MLLT3: variants seen among roughly 807,000 people sequenced by gnomAD.
The protein encoded by MLLT3 is MLLT3 super elongation complex subunit.
In MLLT3, 4 loss-of-function variants were observed where a neutral mutation model predicts 53.2. The ratio of observed to expected loss-of-function variants is 0.08; its 90% CI spans 0.04 to 0.17. The LOEUF is 0.17. Ranked by LOEUF, MLLT3 falls within the 10% of genes least tolerant of loss-of-function variation. The probability of loss-of-function intolerance (pLI) is 1.00; values close to 1 mark genes in which losing one functional copy is unlikely to be tolerated. For synonymous variants in MLLT3, 283 were observed against 230.6 expected (o/e 1.23, Z -2.06); for missense variants, 569 against 684.0 (o/e 0.83, Z 1.87).
At chr9:20,347,141 G>C (rs1820895163) in intron 10 of MLLT3, among the ~76,000 whole-genome samples, 1 of 149,548 alleles carries the variant, frequency 6.7e-6, no homozygotes, top group South Asian at 2.1e-4. Flanking sequence ...TTAACAGATA[G>C]TGACCAGAGG....
intron 2 of MLLT3, among the ~76,000 whole-genome samples, chr9:20,463,036 C>A (rs1324040791): frequency 6.6e-6 from 1 of 152,036 alleles, no homozygotes; most frequent in Non-Finnish European, 1.5e-5. Flanking sequence ...GAACGTCATG[C>A]TACACACACT....
At chr9:20,429,994 C>T (rs565094594) in intron 4 of MLLT3, among the ~76,000 whole-genome samples, 2 of 152,110 alleles carry the variant, frequency 1.3e-5, no homozygotes, top group East Asian at 3.9e-4. Context: ...ATTGTCCACA[C>T]AGAAATACAA....
intron 2 of MLLT3, among the ~76,000 whole-genome samples, chr9:20,606,150 A>C (rs1375662344): frequency 6.6e-6 from 1 of 152,106 alleles, no homozygotes; most frequent in East Asian, 1.9e-4. Flanking sequence ...TTAGCTGGTT[A>C]TGTTCATATA....
intron 2 of MLLT3, among the ~76,000 whole-genome samples, chr9:20,537,384 T>A (rs913344929): frequency 6.6e-6 from 1 of 152,208 alleles, no homozygotes; most frequent in Non-Finnish European, 1.5e-5. Flanking sequence ...ATTCTTTTTG[T>A]ACAAGAAAAT....
chr9:20,414,050 C>A lies in MLLT3; in HGVS notation c.796G>T (p.Asp266Tyr). The change falls in exon 5 of 11, where the codon GAT becomes TAT. Residue 266 changes from aspartate to tyrosine, a missense_variant. Asp to Tyr is a radical substitution (Grantham distance 160, BLOSUM62 -3). Transcript: ENST00000380338. ...PKPMSKEPKP[D>Y]SNLLTITSGQ... ...CTGGTGATGGTGAGTAAGTTACTAT[C>A]TGGTTTTGGCTCTTTTGACATGGGT... is the stretch of plus-strand genomic sequence containing the variant. 2 of 1,614,112 alleles carry A rather than the reference C, an allele frequency of 1.2e-6. No homozygotes were observed. The highest frequency in any genetic ancestry group is 1.7e-6 in the Non-Finnish European group (2 of 1,180,004).
rs149642279 is a variant in MLLT3, at chr9:20,587,608, T to C, written c.193+33046A>G. The stretch of plus-strand genomic sequence containing the variant: ...CTTTCAAATACAGAGAAATCCTTTA[T>C]TGAAAAACTTTTTGGCTGCATAAAT... On this transcript the variant is annotated intron_variant, in intron 2 of 10. Transcript: ENST00000380338. 6.8e-3 allele frequency among the ~76,000 whole-genome samples: 1,029 copies of C among 152,366 alleles called. 17 individuals carry two copies. Among genetic ancestry groups the C allele is most frequent in the African/African-American group, 0.024 (995 of 41,568 alleles).
intron 10 of MLLT3, among the ~76,000 whole-genome samples, chr9:20,350,420 C>A (rs562105227): frequency 6.6e-6 from 1 of 151,710 alleles, no homozygotes; most frequent in Non-Finnish European, 1.5e-5. Context: ...ACGGTGAAAC[C>A]CCGTCTCTAC....
chr9:20,561,078 T>C (rs1054615663), intron 2 of MLLT3, among the ~76,000 whole-genome samples: 1 of 152,014 alleles, frequency 6.6e-6, no homozygotes, highest in Admixed American at 6.6e-5. Context: ...CTACTTTATT[T>C]TGTGTGTGTG....
At chr9:20,490,299 A>G (rs1824915975) in intron 2 of MLLT3, among the ~76,000 whole-genome samples, 1 of 152,216 alleles carries the variant, frequency 6.6e-6, no homozygotes, top group Non-Finnish European at 1.5e-5. Flanking sequence ...TAATCTAACC[A>G]CATGAGACTT....
chr9:20,518,227 C>A (rs1225656073), intron 2 of MLLT3, among the ~76,000 whole-genome samples: 3 of 152,114 alleles, frequency 2.0e-5, no homozygotes, highest in Non-Finnish European at 4.4e-5. Flanking sequence ...CGCCTGTAAT[C>A]CCAGCTACTC....
Position 20,448,413 on chromosome 9 carries a change from G to C in MLLT3, c.277-147C>G, listed in dbSNP as rs1823759479. The C allele has an allele frequency of 1.7e-6, 1 of 600,570 alleles. No homozygotes were observed. The allele number at this position is 600,570 out of a possible 1,614,324, so 37.2% of individuals were successfully genotyped here. The stretch of plus-strand genomic sequence containing the variant: ...CAAAGTAGTACTGGGAAAAAAAAAA[G>C]TATCATGGAATCATCAGTGAAACAA... On this transcript the variant is annotated intron_variant, in intron 3 of 10. Coordinates refer to ENST00000380338, the MANE Select transcript of MLLT3 (RefSeq NM_004529.4). The surrounding 1 kb of genome is among the most constrained non-coding windows in gnomAD (Gnocchi z 4.0).
At chr9:20,441,338 T>C (rs1157838370) in intron 4 of MLLT3, among the ~76,000 whole-genome samples, 2 of 152,130 alleles carry the variant, frequency 1.3e-5, no homozygotes, top group African/African-American at 2.4e-5. Context: ...ACTAAATAGG[T>C]TGAGTGACAT....
chr9:20,579,177 G>A (rs1819727548), intron 2 of MLLT3, among the ~76,000 whole-genome samples: 1 of 152,054 alleles, frequency 6.6e-6, no homozygotes, highest in Non-Finnish European at 1.5e-5. Context: ...AGACCAGCCT[G>A]GGCAACACAG....
intron 2 of MLLT3, among the ~76,000 whole-genome samples, chr9:20,531,009 T>A (rs116397303): frequency 6.6e-6 from 1 of 151,990 alleles, no homozygotes; most frequent in East Asian, 1.9e-4. Flanking sequence ...CATCTACTTA[T>A]ATTTTTAAGA....
chr9:20,448,355 G>A lies in MLLT3; in HGVS notation c.277-89C>T. 1 of 1,233,118 alleles carries A rather than the reference G, an allele frequency of 8.1e-7. No individual in the cohort carries two copies. 76.4% of individuals were successfully genotyped at this position (1,233,118 alleles called of 1,614,324 possible). ...AAAAATTTACTCCTCATAAGAAATA[G>A]AAAAGAACTAAGACATCTAACAGCT... On this transcript the variant is annotated intron_variant, in intron 3 of 10. Coordinates refer to ENST00000380338, the MANE Select transcript of MLLT3 (RefSeq NM_004529.4). The surrounding 1 kb of genome is among the most constrained non-coding windows in gnomAD (Gnocchi z 4.0).
chr9:20,560,500 C>T (rs1355712172), intron 2 of MLLT3, among the ~76,000 whole-genome samples: 1 of 152,110 alleles, frequency 6.6e-6, no homozygotes, highest in African/African-American at 2.4e-5. Flanking sequence ...ACAAACAGTT[C>T]CTGCTCTTTG....
intron 2 of MLLT3, among the ~76,000 whole-genome samples, chr9:20,604,561 T>A (rs1036323627): frequency 4.6e-5 from 7 of 152,070 alleles, no homozygotes; most frequent in Non-Finnish European, 8.8e-5. Context: ...AAATCAGAAA[T>A]TCAAATCATA....
At chr9:20,501,729 G>C (rs986435215) in intron 2 of MLLT3, among the ~76,000 whole-genome samples, 4 of 137,430 alleles carry the variant, frequency 2.9e-5, no homozygotes, top group Non-Finnish European at 6.1e-5. Flanking sequence ...CCGCAGTCCG[G>C]CCTGGGCGAC....
chr9:20,568,501 A>G (rs2131161037), intron 2 of MLLT3, among the ~76,000 whole-genome samples: 1 of 152,294 alleles, frequency 6.6e-6, no homozygotes, highest in Non-Finnish European at 1.5e-5. Context: ...TGATTCTACA[A>G]AATACTTCTG....
Sources: allele counts gnomAD v4.1 joint callset (sites outside exome capture counted in the v4.1 genomes callset), GRCh38; gene constraint gnomAD v4.1.1; non-coding constraint Gnocchi (gnomAD v3.1); transcripts MANE v1.5; gene names NCBI Gene and HGNC (gene_info 2026-07-23, HGNC 2026-07-21).